Variants in SYT1 observed in about 807,000 individuals in gnomAD.
The protein encoded by SYT1 is synaptotagmin 1.
A neutral mutation model predicts 44.8 loss-of-function variants in SYT1; 8 were observed. That is an observed-to-expected ratio of 0.18 (90% CI 0.10 to 0.32). The LOEUF is 0.32. Among genes scored for constraint, SYT1 ranks in the 10% least tolerant of loss-of-function variants. The pLI, the probability that SYT1 is intolerant of heterozygous loss-of-function variation, is 1.00. For synonymous variants in SYT1, 154 were observed against 188.8 expected (o/e 0.82, Z 1.51); for missense variants, 286 against 509.3 (o/e 0.56, Z 4.22).
At chr12:79,046,821 T>C (rs1017723338) in intron 2 of SYT1, among the ~76,000 whole-genome samples, 1 of 151,956 alleles carries the variant, frequency 6.6e-6, no homozygotes, top group Non-Finnish European at 1.5e-5. Flanking sequence ...CAAATATGTA[T>C]AACATATTGA....
At chr12:79,148,231 T>G (rs1870046273) in intron 3 of SYT1, among the ~76,000 whole-genome samples, 1 of 152,078 alleles carries the variant, frequency 6.6e-6, no homozygotes, top group Non-Finnish European at 1.5e-5. Flanking sequence ...CCGAAGAACT[T>G]TTTTTTGAAG....
chr12:78,871,921 C>A (rs778358996), intron 1 of SYT1, among the ~76,000 whole-genome samples: 2 of 151,490 alleles, frequency 1.3e-5, no homozygotes, highest in Middle Eastern at 3.4e-3. Context: ...GTTCAGAATC[C>A]GAGGCCACAA....
intron 9 of SYT1, among the ~76,000 whole-genome samples, chr12:79,397,288 G>A (rs1023961522): frequency 5.5e-4 from 84 of 151,952 alleles, no homozygotes; most frequent in Non-Finnish European, 9.6e-4. Context: ...GGAGTGCAGT[G>A]GCACAATCAC....
chr12:78,936,883 G>A (rs1286326744), intron 1 of SYT1, among the ~76,000 whole-genome samples: 1 of 152,130 alleles, frequency 6.6e-6, no homozygotes, highest in Admixed American at 6.6e-5. Context: ...GGCAAGGGAT[G>A]GCTTTGCAAC....
chr12:79,407,050 A>G (rs1885267519), intron 9 of SYT1, among the ~76,000 whole-genome samples: 1 of 152,110 alleles, frequency 6.6e-6, no homozygotes, highest in Admixed American at 6.6e-5. Context: ...AAGGGATAAT[A>G]ATGCTTGTTT....
intron 9 of SYT1, among the ~76,000 whole-genome samples, chr12:79,394,395 C>A (rs920007123): frequency 6.6e-6 from 1 of 152,054 alleles, no homozygotes; most frequent in Non-Finnish European, 1.5e-5. Flanking sequence ...CAGGCAGAAG[C>A]GCTATAGTAT....
At chr12:78,867,652 T>C (rs1025578200) in intron 1 of SYT1, among the ~76,000 whole-genome samples, 2 of 152,004 alleles carry the variant, frequency 1.3e-5, no homozygotes, top group African/African-American at 2.4e-5. Flanking sequence ...TGCTAATATA[T>C]AGGGAAAATC....
chr12:78,878,421 T>C (rs1408111896), intron 1 of SYT1, among the ~76,000 whole-genome samples: 7 of 151,848 alleles, frequency 4.6e-5, no homozygotes, highest in African/African-American at 1.7e-4. Flanking sequence ...AGGTCTGTAA[T>C]TGACTATGGC....
At chr12:79,179,754 G>T (rs985678875) in intron 3 of SYT1, among the ~76,000 whole-genome samples, 1 of 151,664 alleles carries the variant, frequency 6.6e-6, no homozygotes, top group African/African-American at 2.4e-5. Flanking sequence ...TGATCTATTT[G>T]CCATTTGCTC....
chr12:79,211,717 T>C (rs1592856890), intron 3 of SYT1, among the ~76,000 whole-genome samples: 2 of 151,994 alleles, frequency 1.3e-5, no homozygotes, highest in Admixed American at 1.3e-4. Context: ...TGTGATAGTT[T>C]ACTGAGAATG....
At chr12:79,158,684 G>T (rs1246592089) in intron 3 of SYT1, among the ~76,000 whole-genome samples, 1 of 152,080 alleles carries the variant, frequency 6.6e-6, no homozygotes, top group Admixed American at 6.6e-5. Context: ...GATCGCTTGA[G>T]CTCAGGAGTT....
intron 3 of SYT1, among the ~76,000 whole-genome samples, chr12:79,159,078 C>A (rs1185534244): frequency 1.3e-5 from 2 of 152,068 alleles, no homozygotes; most frequent in African/African-American, 4.8e-5. Flanking sequence ...ACATTAGGAC[C>A]AGATTGGAAA....
intron 4 of SYT1, among the ~76,000 whole-genome samples, chr12:79,282,981 A>G (rs936261906): frequency 2.0e-5 from 3 of 152,184 alleles, no homozygotes; most frequent in African/African-American, 7.2e-5. Context: ...CAGATGAATA[A>G]TACTGTGGGT....
intron 3 of SYT1, among the ~76,000 whole-genome samples, chr12:79,060,382 C>T (rs534254925): frequency 6.6e-6 from 1 of 152,082 alleles, no homozygotes; most frequent in South Asian, 2.1e-4. Context: ...GTATTAAGTA[C>T]ATTCACACTG....
rs183638421 is a variant in SYT1 at position 79,060,627 on chromosome 12, T to C, written c.-18+13265T>C. 1.3e-3 allele frequency among the ~76,000 whole-genome samples: 193 copies of C among 152,264 alleles called. 1 individual carries two copies. Among genetic ancestry groups the C allele is most frequent in the African/African-American group, 4.4e-3 (183 of 41,568 alleles). ...TGTATATTGTCAAGGTTTATCCTTA[T>C]TGTAGCATGTGTCAAAATTTTCTTC... On this transcript the variant is annotated intron_variant, in intron 3 of 10. Coordinates refer to ENST00000261205, the MANE Select transcript of SYT1 (RefSeq NM_005639.3).
chr12:79,208,971 G>T (rs1197406794), intron 3 of SYT1, among the ~76,000 whole-genome samples: 1 of 152,146 alleles, frequency 6.6e-6, no homozygotes, highest in Non-Finnish European at 1.5e-5. Context: ...GAGGTAACTA[G>T]ATCCATTTTG....
chr12:79,042,985 G>C (rs1385821263), intron 2 of SYT1, among the ~76,000 whole-genome samples: 4 of 148,254 alleles, frequency 2.7e-5, no homozygotes, highest in Non-Finnish European at 4.5e-5. Context: ...ACTGTGGTCT[G>C]AGAGATAGTT....
intron 3 of SYT1, among the ~76,000 whole-genome samples, chr12:79,196,172 G>GT (rs11383973): frequency 0.15 from 13,415 of 88,924 alleles, 1,866 homozygotes; most frequent in African/African-American, 0.39. Flanking sequence ...TGTTGTTGTT[G>GT]TTGTTGTTGT....
intron 3 of SYT1, among the ~76,000 whole-genome samples, chr12:79,206,098 CTTA>C (rs1170551321): frequency 6.6e-6 from 1 of 152,036 alleles, no homozygotes; most frequent in Non-Finnish European, 1.5e-5. Flanking sequence ...ATTATTTAGA[CTTA>C]TTTAGACAGA....
Sources: allele counts gnomAD v4.1 joint callset (sites outside exome capture counted in the v4.1 genomes callset), GRCh38; gene constraint gnomAD v4.1.1; transcripts MANE v1.5; gene names NCBI Gene and HGNC (gene_info 2026-07-23, HGNC 2026-07-21).